Variants in SLC8A1 observed in about 807,000 individuals in gnomAD.
SLC8A1 encodes the protein sodium/calcium exchanger 1.
SLC8A1 carries 18 observed loss-of-function variants against 68.3 expected under a neutral mutation model. The observed-to-expected ratio is 0.26, with a 90% CI of 0.18 to 0.39. The LOEUF is 0.39. Among genes scored for constraint, SLC8A1 ranks in the 10% least tolerant of loss-of-function variants. The probability of loss-of-function intolerance (pLI) is 1.00; values close to 1 mark genes in which losing one functional copy is unlikely to be tolerated. For missense variants in SLC8A1, 985 were observed against 1,156.7 expected (o/e 0.85, Z 2.15); for synonymous variants, 475 against 415.5 (o/e 1.14, Z -1.74).
intron 1 of SLC8A1, among the ~76,000 whole-genome samples, chr2:40,491,569 C>T (rs1482081590): frequency 6.6e-6 from 1 of 152,066 alleles, no homozygotes; most frequent in Non-Finnish European, 1.5e-5. Flanking sequence ...TGCCAGTTTT[C>T]AAAGGGAATG....
At chr2:40,352,998 G>C (rs188381165) in intron 2 of SLC8A1, among the ~76,000 whole-genome samples, 3 of 152,214 alleles carry the variant, frequency 2.0e-5, no homozygotes, top group African/African-American at 7.2e-5. Context: ...CCACACCCCA[G>C]CCTTATTTTT....
intron 6 of SLC8A1, among the ~76,000 whole-genome samples, chr2:40,142,007 G>C (rs553795792): frequency 6.6e-6 from 1 of 152,214 alleles, no homozygotes; most frequent in South Asian, 2.1e-4. Flanking sequence ...TGCCAGAAAA[G>C]AAATTTCTGT....
At chr2:40,472,548 A>T (rs947525263) in intron 1 of SLC8A1, among the ~76,000 whole-genome samples, 4 of 152,054 alleles carry the variant, frequency 2.6e-5, no homozygotes, top group Non-Finnish European at 4.4e-5. Context: ...ATTTTTTTTT[A>T]GAGACAAGGG....
intron 2 of SLC8A1, among the ~76,000 whole-genome samples, chr2:40,417,904 G>T (rs573905857): frequency 9.7e-6 from 1 of 103,046 alleles, no homozygotes; most frequent in Non-Finnish European, 1.8e-5. Flanking sequence ...CAAGGTAAAC[G>T]CACAGAGTCA....
intron 2 of SLC8A1, among the ~76,000 whole-genome samples, chr2:40,270,766 C>T (rs747063272): frequency 1.4e-4 from 21 of 152,268 alleles, no homozygotes; most frequent in Middle Eastern, 3.4e-3. Context: ...TGGGTGGGAG[C>T]ATTACATTAT....
intron 2 of SLC8A1, among the ~76,000 whole-genome samples, chr2:40,310,171 T>C (rs1034768312): frequency 5.3e-5 from 8 of 152,214 alleles, no homozygotes; most frequent in Admixed American, 3.9e-4. Flanking sequence ...TCCAAGGTAA[T>C]GAGGTGTTGA....
chr2:40,131,858 ATTTTTTTTTT>A (rs71404277), intron 7 of SLC8A1, among the ~76,000 whole-genome samples: 1,743 of 95,568 alleles, frequency 0.018, 23 homozygotes, highest in Middle Eastern at 0.046. Context: ...TTGGTATTCT[ATTTTTTTTTT>A]TTTTTTTTTT....
chr2:40,286,921 C>T (rs2068413880), intron 2 of SLC8A1, among the ~76,000 whole-genome samples: 1 of 152,182 alleles, frequency 6.6e-6, no homozygotes, highest in South Asian at 2.1e-4. Context: ...ATGATGCAAC[C>T]ACGACAGGCT....
chr2:40,142,301 C>T (rs2041714461), intron 6 of SLC8A1, among the ~76,000 whole-genome samples: 3 of 152,278 alleles, frequency 2.0e-5, no homozygotes, highest in Admixed American at 6.5e-5. Context: ...AAGAAAGTCA[C>T]ATTAATACAT....
intron 1 of SLC8A1, among the ~76,000 whole-genome samples, chr2:40,510,116 G>A (rs1271765550): frequency 3.3e-5 from 5 of 152,076 alleles, no homozygotes; most frequent in African/African-American, 7.2e-5. Context: ...GTGAGCCACC[G>A]TGCCCGGCCG....
At chr2:40,338,936 T>C (rs534460162) in intron 2 of SLC8A1, among the ~76,000 whole-genome samples, 1 of 152,174 alleles carries the variant, frequency 6.6e-6, no homozygotes. Flanking sequence ...AATTAGCATA[T>C]AATCTACCAG....
At chr2:40,142,311 T>G (rs2041717656) in intron 6 of SLC8A1, among the ~76,000 whole-genome samples, 1 of 152,150 alleles carries the variant, frequency 6.6e-6, no homozygotes, top group Admixed American at 6.5e-5. Flanking sequence ...CATTAATACA[T>G]TCCCATTCCC....
chr2:40,245,687 T>C (rs2148992213), intron 2 of SLC8A1, among the ~76,000 whole-genome samples: 1 of 152,280 alleles, frequency 6.6e-6, no homozygotes, highest in Middle Eastern at 3.4e-3. Context: ...GTCAAACTTT[T>C]TTTTTTTTAA....
intron 7 of SLC8A1, among the ~76,000 whole-genome samples, chr2:40,134,798 A>G (rs1269680443): frequency 6.6e-6 from 1 of 152,236 alleles, no homozygotes; most frequent in Admixed American, 6.5e-5. Context: ...ACACAATTGC[A>G]TTACTTCTGT....
chr2:40,422,575 T>G (rs1219141143), intron 2 of SLC8A1, among the ~76,000 whole-genome samples: 1 of 152,118 alleles, frequency 6.6e-6, no homozygotes. Flanking sequence ...TAAAATCCAT[T>G]CAGATTTTAC....
chr2:40,324,743 G>T (rs552416348), intron 2 of SLC8A1, among the ~76,000 whole-genome samples: 1 of 151,510 alleles, frequency 6.6e-6, no homozygotes, highest in Non-Finnish European at 1.5e-5. Flanking sequence ...CAAATCTTAA[G>T]TTTATCAGGA....
upstream of SLC8A1, among the ~76,000 whole-genome samples, chr2:40,456,865 C>T (rs1284277240): frequency 6.6e-6 from 1 of 152,136 alleles, no homozygotes; most frequent in Admixed American, 6.6e-5. Flanking sequence ...GAGTTCTATG[C>T]AATGAATAAT....
At chr2:40,354,007 A>G (rs1420799600) in intron 2 of SLC8A1, among the ~76,000 whole-genome samples, 1 of 152,226 alleles carries the variant, frequency 6.6e-6, no homozygotes, top group East Asian at 1.9e-4. Context: ...GTTGAACATT[A>G]TACACAAGTC....
chr2:40,413,530 T>G (rs570319686), intron 2 of SLC8A1, among the ~76,000 whole-genome samples: 1 of 152,186 alleles, frequency 6.6e-6, no homozygotes, highest in Non-Finnish European at 1.5e-5. Context: ...AGAGCCCTTT[T>G]TTCTTAATAA....
Sources: allele counts gnomAD v4.1 joint callset (sites outside exome capture counted in the v4.1 genomes callset), GRCh38; gene constraint gnomAD v4.1.1; transcripts MANE v1.5; gene names NCBI Gene and HGNC (gene_info 2026-07-23, HGNC 2026-07-21).